ICAM3: variants seen among roughly 807,000 people sequenced by gnomAD.
ICAM3 encodes the protein ICAM-3.
In ICAM3, 54 loss-of-function variants were observed where a neutral mutation model predicts 43.6. The observed-to-expected ratio is 1.24, with a 90% confidence interval of 0.99 to 1.55. ICAM3 has a LOEUF of 1.55. Ranked by LOEUF, ICAM3 falls within the 40% of genes most tolerant of loss-of-function variation. The pLI is 0.00. For synonymous variants in ICAM3, 306 were observed against 312.6 expected (o/e 0.98, Z 0.22); for missense variants, 715 against 717.9 (o/e 1.00, Z 0.05).
In ICAM3 at chr19:10,334,108, C is replaced by CCCCCCCCCCCCCCCCCT; in HGVS notation, c.1442-50_1442-49insAGGGGGGGGGGGGGGGG. On this transcript the variant is annotated intron_variant, in intron 6 of 6. Transcript: ENST00000160262. This position sits in a 1 kb window ranked among gnomAD's most constrained non-coding sequence, Gnocchi z 5.5. ...AATATGCGTCCCTTCTGTCTCCAAC[C>CCCCCCCCCCCCCCCCCT]CCCCCGCCCCCCGGCTTACCGGTCC... The CCCCCCCCCCCCCCCCCT allele has an allele frequency of 6.2e-7, 1 of 1,606,162 alleles. No individual in the cohort carries two copies. Among genetic ancestry groups the CCCCCCCCCCCCCCCCCT allele is most frequent in the Non-Finnish European group, 8.5e-7 (1 of 1,173,610 alleles).
intron 2 of ICAM3, among the ~76,000 whole-genome samples, chr19:10,338,066 C>T (rs1269556069): frequency 1.3e-5 from 2 of 149,706 alleles, no homozygotes; most frequent in East Asian, 3.9e-4. Context: ...CACTGCACTC[C>T]AGCCTGGGCT....
At chr19:10,337,728 A>G (rs2040613922) in intron 2 of ICAM3, among the ~76,000 whole-genome samples, 2 of 152,068 alleles carry the variant, frequency 1.3e-5, no homozygotes, top group South Asian at 2.1e-4. Context: ...GGCTCAAGCG[A>G]TTCTCCCACC....
intron 2 of ICAM3, among the ~76,000 whole-genome samples, 190 bp downstream of exon 2, chr19:10,338,492 C>G (rs377195720): frequency 6.6e-6 from 1 of 152,002 alleles, no homozygotes; most frequent in Non-Finnish European, 1.5e-5. Context: ...GTCTCTATAT[C>G]TCTGTCTCTG....
chr19:10,334,013 GGTCA>G lies in ICAM3; in HGVS notation c.1484_1487del (p.Leu495ProfsTer5), dbSNP rs772096843. 2 of 1,614,056 alleles carry G rather than the reference GGTCA, an allele frequency of 1.2e-6. No homozygotes were observed. The highest frequency in any genetic ancestry group is 4.5e-5 in the East Asian group (2 of 44,880). On this transcript the variant is annotated frameshift_variant, in exon 7 of 7. Coordinates refer to ENST00000160262, the MANE Select transcript of ICAM3 (RefSeq NM_002162.5). LOFTEE classifies it low-confidence loss of function (END_TRUNC). The surrounding 1 kb of genome is among the most constrained non-coding windows in gnomAD (Gnocchi z 5.5). Reference sequence around the variant, plus strand: ...CCAGTACGATAGTCACCACGCCCAGGGTCAGTAACACCGCCACGAAGACGGGGAC... The same window carrying G: ...CCAGTACGATAGTCACCACGCCCAGGGTAACACCGCCACGAAGACGGGGAC...
At chr19:10,335,489 G>C in intron 3 of ICAM3, 136 bp from the exon 4 acceptor site, 1 of 1,119,792 alleles carries the variant, frequency 8.9e-7, no homozygotes, top group Middle Eastern at 2.1e-4. Context: ...CATGAAAACG[G>C]CCTTCTTCAA....
intron 2 of ICAM3, 197 bp from the exon 3 acceptor site, chr19:10,336,173 G>A: frequency 5.3e-6 from 3 of 565,566 alleles, no homozygotes; most frequent in East Asian, 5.6e-5. Context: ...TGTGTTGTCA[G>A]ATACCTTGCA....
rs2040562394 is a variant in ICAM3, at chr19:10,334,484, C to T, written c.1192+44G>A. 3 of 1,603,750 alleles carry T rather than the reference C, an allele frequency of 1.9e-6. No individual in the cohort carries two copies. Among genetic ancestry groups the T allele is most frequent in the African/African-American group, 2.7e-5 (2 of 74,780 alleles). ...GGTGCAGAGGAGCGTCTAATCTTTCCAGGGCAGGGGTGGAGGGATTAAAGG... is the reference window on the plus strand; with the variant it reads ...GGTGCAGAGGAGCGTCTAATCTTTCTAGGGCAGGGGTGGAGGGATTAAAGG... On this transcript the variant is annotated intron_variant, in intron 5 of 6. Coordinates refer to ENST00000160262, the MANE Select transcript of ICAM3 (RefSeq NM_002162.5). The surrounding 1 kb of genome is among the most constrained non-coding windows in gnomAD (Gnocchi z 5.5).
At chr19:10,336,044 G>A (rs2040596012) in intron 2 of ICAM3, 68 bp from the exon 3 acceptor site, 2 of 1,407,222 alleles carry the variant, frequency 1.4e-6, no homozygotes, top group African/African-American at 1.4e-5. Context: ...CAGGGACTGG[G>A]GAGGAGACAG....
Position 10,333,986 on chromosome 19 carries a change from G to A in ICAM3, c.1515C>T (p.Ala505=), listed in dbSNP as rs2040551443. The A allele has an allele frequency of 3.7e-6, 6 of 1,614,032 alleles. No individual in the cohort carries two copies. The highest frequency in any genetic ancestry group is 5.1e-6 in the Non-Finnish European group (6 of 1,180,052). The part of the protein sequence containing the change: ...LTLGVVTIVL[A]LMYVFREHQR... ...GGTGCTCCCTGAAGACGTACATTAA[G>A]GCCAGTACGATAGTCACCACGCCCA... Residue 505 remains alanine (A), a synonymous_variant, in exon 7 of 7, where the codon GCC becomes GCT. Coordinates refer to ENST00000160262, the MANE Select transcript of ICAM3 (RefSeq NM_002162.5). The surrounding 1 kb of genome is among the most constrained non-coding windows in gnomAD (Gnocchi z 4.2).
chr19:10,335,530 GC>G, intron 3 of ICAM3, 140 bp downstream of exon 3: 1 of 1,135,238 alleles, frequency 8.8e-7, no homozygotes, highest in Non-Finnish European at 1.2e-6. Context: ...CCCTTCCGGG[GC>G]CACCTTGCCC....
chr19:10,337,111 A>C (rs1312096697), intron 2 of ICAM3, among the ~76,000 whole-genome samples: 1 of 151,604 alleles, frequency 6.6e-6, no homozygotes, highest in African/African-American at 2.4e-5. Context: ...ACTGCGTCTC[A>C]AAGAAAAGAA....
At position 10,334,237 on chromosome 19, in the gene ICAM3, G is replaced by A. The variant is rs1382881651; in HGVS notation, c.1364C>T (p.Thr455Ile). ...TTGGCACTGATAAGTACCATTATGT[G>A]TTACGTTGACGAAGAACGGGATCCC... ...PVGIPFFVNV[T>I]HNGTYQCQAS... Residue 455 changes from threonine (T) to isoleucine (I), a missense_variant, in exon 6 of 7, where the codon ACA (threonine) becomes ATA (isoleucine). Thr to Ile is a moderately conservative substitution (Grantham distance 89). Coordinates refer to ENST00000160262, the MANE Select transcript of ICAM3 (RefSeq NM_002162.5). The surrounding 1 kb of genome is among the most constrained non-coding windows in gnomAD (Gnocchi z 5.5). The A allele has an allele frequency of 3.7e-6, 6 of 1,614,032 alleles. No individual in the cohort carries two copies. The African/African-American group carries it at 6.7e-5, about 18-fold the overall frequency.
At chr19:10,336,089 A>T (rs560685247) in intron 2 of ICAM3, 113 bp from the exon 3 acceptor site, 2 of 974,124 alleles carry the variant, frequency 2.1e-6, no homozygotes, top group African/African-American at 3.3e-5. Flanking sequence ...CTTTGAGTTA[A>T]TAAACTTAGA....
At chr19:10,337,152 C>T (rs1412501630) in intron 2 of ICAM3, among the ~76,000 whole-genome samples, 1 of 151,756 alleles carries the variant, frequency 6.6e-6, no homozygotes, top group Non-Finnish European at 1.5e-5. Context: ...CATGGTGGCT[C>T]ACGCTTATAA....
rs2040564728 is a variant in ICAM3 at position 10,334,601 on chromosome 19, G to A, written c.1119C>T (p.Phe373=). The A allele has an allele frequency of 1.9e-6, 3 of 1,613,802 alleles. No homozygotes were observed. Among genetic ancestry groups the A allele is most frequent in the Non-Finnish European group, 2.5e-6 (3 of 1,180,024 alleles). The change falls in exon 5 of 7, where the codon TTC becomes TTT. Residue 373 remains phenylalanine, a synonymous_variant. Transcript: ENST00000160262. This position sits in a 1 kb window ranked among gnomAD's most constrained non-coding sequence, Gnocchi z 5.5. ...NATESDDGRS[F]FCSATLEVDG... Reference sequence around the variant, plus strand: ...CCACCTCGAGAGTGGCACTGCAGAAGAAGCTGCGTCCGTCGTCACTCTCGG... The same window carrying A: ...CCACCTCGAGAGTGGCACTGCAGAAAAAGCTGCGTCCGTCGTCACTCTCGG...
In ICAM3 at chr19:10,334,713, C is replaced by G; in HGVS notation, c.1007G>C (p.Cys336Ser). 6.2e-7 allele frequency: 1 copy of G among 1,613,306 alleles called. No homozygotes were observed. The stretch of plus-strand genomic sequence containing the variant: ...GACCTGGACTCGAGCCCCAGCCATG[C>G]AACTCACGGTCACTGTGGACCCCTC... ...AHEGSTVTVSCMAGARVQVTL... is the reference protein window; with the variant it reads ...AHEGSTVTVSSMAGARVQVTL... The change falls in exon 5 of 7, where the codon TGC becomes TCC. Residue 336 changes from cysteine to serine, a missense_variant. Cys to Ser is a moderately radical substitution (Grantham distance 112). Transcript: ENST00000160262. The surrounding 1 kb of genome is among the most constrained non-coding windows in gnomAD (Gnocchi z 5.5).
intron 3 of ICAM3, 81 bp from the exon 4 acceptor site, chr19:10,335,434 C>G (rs1417764265): frequency 7.5e-7 from 1 of 1,335,932 alleles, no homozygotes; most frequent in East Asian, 2.5e-5. Context: ...GTCAGGATAT[C>G]TTGCTGACTG....
chr19:10,339,120 G>A (rs1402195171), intron 1 of ICAM3, 172 bp from the exon 2 acceptor site: 2 of 677,938 alleles, frequency 3.0e-6, no homozygotes, highest in South Asian at 3.9e-5. Flanking sequence ...CTCAGAAGGA[G>A]GCCAGAAGAG....
In ICAM3 at chr19:10,334,461, T is replaced by C. The variant is rs960357649; in HGVS notation, c.1193-53A>G. On this transcript the variant is annotated intron_variant, in intron 5 of 6. Transcript: ENST00000160262. The surrounding 1 kb of genome is among the most constrained non-coding windows in gnomAD (Gnocchi z 5.5). ...ACCCAACACACCCGAGGCACAGTGGTGCAGAGGAGCGTCTAATCTTTCCAG... is the reference window on the plus strand; with the variant it reads ...ACCCAACACACCCGAGGCACAGTGGCGCAGAGGAGCGTCTAATCTTTCCAG... 6.2e-6 allele frequency: 10 copies of C among 1,609,232 alleles called. No individual in the cohort carries two copies. Among genetic ancestry groups the C allele is most frequent in the Non-Finnish European group, 5.9e-6 (7 of 1,176,578 alleles).
Sources: allele counts gnomAD v4.1 joint callset (sites outside exome capture counted in the v4.1 genomes callset), GRCh38; gene constraint gnomAD v4.1.1; non-coding constraint Gnocchi (gnomAD v3.1); transcripts MANE v1.5; gene names NCBI Gene and HGNC (gene_info 2026-07-23, HGNC 2026-07-21).